ATG10: variants seen among roughly 807,000 people sequenced by gnomAD.
ATG10 encodes autophagy related 10.
Under a neutral mutation model 32.1 loss-of-function variants are expected in ATG10, and 30 were observed. That is an observed-to-expected ratio of 0.94 (90% CI 0.70 to 1.27). The LOEUF (loss-of-function observed/expected upper bound fraction) is 1.27, where lower values mean the gene tolerates loss of function less well. Ranked by LOEUF, ATG10 falls within the 50% of genes most tolerant of loss-of-function variation. The pLI is 0.00. For synonymous variants in ATG10, 87 were observed against 91.5 expected, an observed-to-expected ratio of 0.95 and a Z score of 0.28; for missense variants, 233 against 262.3, an observed-to-expected ratio of 0.89 and a Z score of 0.77.
chr5:82,229,574 A>T (rs1156871998), intron 5 of ATG10, among the ~76,000 whole-genome samples: 1 of 152,126 alleles, frequency 6.6e-6, no homozygotes, highest in Non-Finnish European at 1.5e-5. Context: ...CATTTTTCAG[A>T]CCCTAGCCAA....
At chr5:82,054,571 G>A (rs549527399) in intron 2 of ATG10, among the ~76,000 whole-genome samples, 16 of 152,290 alleles carry the variant, frequency 1.1e-4, no homozygotes, top group African/African-American at 2.9e-4. Context: ...CAAGAGATCC[G>A]CTTTCCACTT....
intron 5 of ATG10, among the ~76,000 whole-genome samples, chr5:82,208,231 A>G (rs1745372925): frequency 1.3e-5 from 2 of 148,536 alleles, no homozygotes; most frequent in African/African-American, 5.1e-5. Flanking sequence ...AAGTCTTGAT[A>G]TCCAGCAAAA....
chr5:82,025,621 A>G (rs1762571991), intron 2 of ATG10, among the ~76,000 whole-genome samples: 1 of 152,228 alleles, frequency 6.6e-6, no homozygotes, highest in African/African-American at 2.4e-5. Context: ...AATAGGCTAT[A>G]GGTGGACTCA....
At chr5:82,034,573 T>C (rs565519644) in intron 2 of ATG10, among the ~76,000 whole-genome samples, 1 of 152,286 alleles carries the variant, frequency 6.6e-6, no homozygotes, top group South Asian at 2.1e-4. Flanking sequence ...TTAGTCTGAG[T>C]GAAAATCAAA....
chr5:82,150,161 A>G (rs1442713607), intron 3 of ATG10, among the ~76,000 whole-genome samples: 2 of 152,160 alleles, frequency 1.3e-5, no homozygotes, highest in Non-Finnish European at 2.9e-5. Context: ...CTTTTACATG[A>G]ATGCAATAAA....
At chr5:82,162,878 T>C (rs1323023657) in intron 3 of ATG10, among the ~76,000 whole-genome samples, 3 of 152,054 alleles carry the variant, frequency 2.0e-5, no homozygotes, top group Non-Finnish European at 4.4e-5. Flanking sequence ...TGTGTATATG[T>C]ATTTGTGTGC....
At chr5:82,036,016 A>G (rs1357650784) in intron 2 of ATG10, among the ~76,000 whole-genome samples, 1 of 151,810 alleles carries the variant, frequency 6.6e-6, no homozygotes, top group Non-Finnish European at 1.5e-5. Context: ...ATTCTTTTGT[A>G]TTTTCCCCTA....
At chr5:82,164,791 CT>C (rs1743512167) in intron 4 of ATG10, among the ~76,000 whole-genome samples, 1 of 152,300 alleles carries the variant, frequency 6.6e-6, no homozygotes, top group African/African-American at 2.4e-5. Context: ...ACTAAGCCCC[CT>C]GGCCCTTTTT....
At chr5:82,160,644 A>T (rs1001173181) in intron 3 of ATG10, among the ~76,000 whole-genome samples, 21 of 152,294 alleles carry the variant, frequency 1.4e-4, no homozygotes, top group African/African-American at 5.1e-4. Flanking sequence ...GTTTCTCTGT[A>T]TCTTCACCAA....
At position 82,156,680 on chromosome 5, in the gene ATG10, C is replaced by T. The variant is rs776453457; in HGVS notation, c.217-7719C>T. ...AACACTGAAGAGAAACACACTTGAC[C>T]GACTTCTGAAGCTTGATAATTTTTC... On this transcript the variant is annotated intron_variant, in intron 3 of 7. Coordinates refer to ENST00000282185, the MANE Select transcript of ATG10 (RefSeq NM_031482.5). 3.7e-4 allele frequency among the ~76,000 whole-genome samples: 56 copies of T among 152,120 alleles called. 1 individual carries two copies. Among genetic ancestry groups the T allele is most frequent in the South Asian group, 6.2e-4 (3 of 4,816 alleles).
intron 2 of ATG10, among the ~76,000 whole-genome samples, chr5:82,019,198 G>C (rs1762372413): frequency 6.6e-6 from 1 of 152,002 alleles, no homozygotes; most frequent in Non-Finnish European, 1.5e-5. Flanking sequence ...TCCCTTAATT[G>C]ATGAATTAGG....
chr5:82,017,735 T>A (rs1166777036), intron 2 of ATG10, among the ~76,000 whole-genome samples: 1 of 152,204 alleles, frequency 6.6e-6, no homozygotes, highest in Non-Finnish European at 1.5e-5. Context: ...ATGTTACCAG[T>A]GATATCTAGG....
At chr5:81,991,318 A>G (rs954466837) in intron 2 of ATG10, among the ~76,000 whole-genome samples, 1 of 151,510 alleles carries the variant, frequency 6.6e-6, no homozygotes, top group Non-Finnish European at 1.5e-5. Context: ...TCAGAAATTT[A>G]TTTTTTTTTA....
At chr5:81,999,168 C>T (rs1054153662) in intron 2 of ATG10, among the ~76,000 whole-genome samples, 1 of 148,206 alleles carries the variant, frequency 6.7e-6, no homozygotes, top group South Asian at 2.1e-4. Flanking sequence ...AAGCAGAAAC[C>T]CACAAAATCA....
At chr5:82,119,422 G>A (rs1316139412) in intron 3 of ATG10, among the ~76,000 whole-genome samples, 1 of 152,086 alleles carries the variant, frequency 6.6e-6, no homozygotes, top group Non-Finnish European at 1.5e-5. Context: ...GTGGTAGGAT[G>A]AGAAAGCTGT....
At chr5:81,972,915 T>C (rs932601892) in intron 1 of ATG10, among the ~76,000 whole-genome samples, 9 of 152,202 alleles carry the variant, frequency 5.9e-5, no homozygotes, top group Non-Finnish European at 8.8e-5. Flanking sequence ...CATGTTTTTT[T>C]CAGAGTCAAA....
At chr5:82,241,463 A>G (rs1462702844) in intron 5 of ATG10, among the ~76,000 whole-genome samples, 3 of 152,166 alleles carry the variant, frequency 2.0e-5, no homozygotes, top group South Asian at 2.1e-4. Flanking sequence ...AGTCCTTTCC[A>G]TGCATTATGA....
chr5:82,192,382 A>G (rs1472827478), intron 5 of ATG10, among the ~76,000 whole-genome samples: 1 of 152,204 alleles, frequency 6.6e-6, no homozygotes, highest in Non-Finnish European at 1.5e-5. Flanking sequence ...AGCTTCAAGT[A>G]GAGAATAGAT....
At chr5:82,161,542 G>A (rs556100632) in intron 3 of ATG10, among the ~76,000 whole-genome samples, 1 of 152,194 alleles carries the variant, frequency 6.6e-6, no homozygotes, top group East Asian at 1.9e-4. Flanking sequence ...TCTAAAACTT[G>A]TATCTTAACT....
Sources: allele counts gnomAD v4.1 joint callset (sites outside exome capture counted in the v4.1 genomes callset), GRCh38; gene constraint gnomAD v4.1.1; transcripts MANE v1.5; gene names NCBI Gene and HGNC (gene_info 2026-07-23, HGNC 2026-07-21).